WDFY3: variants seen among roughly 807,000 people sequenced by gnomAD.
WDFY3 encodes WD repeat and FYVE domain-containing protein 3.
In WDFY3, 66 loss-of-function variants were observed where a neutral mutation model predicts 409.6. The observed-to-expected ratio is 0.16, with a 90% CI of 0.13 to 0.20. The LOEUF (loss-of-function observed/expected upper bound fraction) is 0.20, where lower values mean the gene tolerates loss of function less well. Among genes scored for constraint, WDFY3 ranks in the 10% least tolerant of loss-of-function variants. The pLI, the probability that WDFY3 is intolerant of heterozygous loss-of-function variation, is 1.00. For synonymous variants in WDFY3, 1,521 were observed against 1,537.1 expected, an observed-to-expected ratio of 0.99 and a Z score of 0.25; for missense variants, 3,031 against 4,298.1, an observed-to-expected ratio of 0.71 and a Z score of 8.24.
intron 3 of WDFY3, among the ~76,000 whole-genome samples, chr4:84,876,544 A>G (rs1762809887): frequency 6.6e-6 from 1 of 152,208 alleles, no homozygotes; most frequent in African/African-American, 2.4e-5. Flanking sequence ...GGCTATTATT[A>G]CTGTTATTCT....
chr4:84,739,292 T>G (rs1737994537), intron 39 of WDFY3, 173 bp from the exon 40 acceptor site: 2 of 583,780 alleles, frequency 3.4e-6, no homozygotes, highest in Non-Finnish European at 6.1e-6. Context: ...GGTGATCAAA[T>G]AAATCCACCT....
chr4:84,791,977 A>G (rs1305489694), intron 21 of WDFY3, among the ~76,000 whole-genome samples: 1 of 152,186 alleles, frequency 6.6e-6, no homozygotes, highest in South Asian at 2.1e-4. Context: ...AGCGGTGGAA[A>G]ACCAGATTTT....
Position 84,932,330 on chromosome 4 carries a change from T to C in WDFY3, c.-192A>G, listed in dbSNP as rs1296388646. ...AGAAATGATAAGAATGGCAGGCACTTTCTTCCTGAAGCAGACGTGGAGAAG... is the reference window on the plus strand; with the variant it reads ...AGAAATGATAAGAATGGCAGGCACTCTCTTCCTGAAGCAGACGTGGAGAAG... On this transcript the variant is annotated 5_prime_UTR_variant, in exon 2 of 68. Coordinates refer to ENST00000295888, the MANE Select transcript of WDFY3 (RefSeq NM_014991.6). 3 of 152,138 alleles carry C rather than the reference T, an allele frequency of 2.0e-5. No homozygotes were observed. The highest frequency in any genetic ancestry group is 2.9e-5 in the Non-Finnish European group (2 of 68,026). The allele number at this position is 152,138 out of a possible 1,614,324, so 9.4% of individuals were successfully genotyped here. A position where few individuals can be genotyped will look rare whatever the true frequency, so the allele number is the denominator to read the frequency against.
Position 84,756,861 on chromosome 4 carries a change from C to T in WDFY3, c.5424+65G>A, listed in dbSNP as rs530731823. The T allele has an allele frequency of 1.8e-5, 27 of 1,469,672 alleles. No homozygotes were observed. In the African/African-American group the frequency reaches 2.9e-4, roughly 16 times the overall value. The allele number at this position is 1,469,672 out of a possible 1,614,324, so 91.0% of individuals were successfully genotyped here. ...TGACAGTTGGTTTTACAGTGATTAT[C>T]CATTATCCTACGGTGATTCTTTGGA... On this transcript the variant is annotated intron_variant, in intron 33 of 67. Transcript: ENST00000295888.
intron 1 of WDFY3, among the ~76,000 whole-genome samples, chr4:84,947,341 G>A (rs897289291): frequency 3.4e-5 from 5 of 148,192 alleles, no homozygotes; most frequent in African/African-American, 1.2e-4. Flanking sequence ...TGAAACCTCA[G>A]CTCTACTAAA....
chr4:84,872,175 T>A (rs1167965858), intron 3 of WDFY3, among the ~76,000 whole-genome samples: 3 of 151,806 alleles, frequency 2.0e-5, no homozygotes, highest in Admixed American at 1.3e-4. Flanking sequence ...AACCATTAAG[T>A]TTAATATGCT....
At chr4:84,729,763 T>C (rs1046253070) in intron 44 of WDFY3, among the ~76,000 whole-genome samples, 5 of 151,984 alleles carry the variant, frequency 3.3e-5, no homozygotes, top group Non-Finnish European at 7.4e-5. Flanking sequence ...GAATCACCAC[T>C]GTATTCTTCA....
chr4:84,671,629 CAAATT>C lies in WDFY3; in HGVS notation c.*1234_*1238del, dbSNP rs915646177. On this transcript the variant is annotated 3_prime_UTR_variant, in exon 68 of 68. Coordinates refer to ENST00000295888, the MANE Select transcript of WDFY3 (RefSeq NM_014991.6). Reference sequence around the variant, plus strand: ...TGTGTTCTGTATCCAACTAGTAGAACAAATTAAATAACTAAATATTAAAATACTGT... The same window carrying C: ...TGTGTTCTGTATCCAACTAGTAGAACAAATAACTAAATATTAAAATACTGT... 1 of 151,992 alleles carries C rather than the reference CAAATT, an allele frequency of 6.6e-6. No homozygotes were observed. The highest frequency in any genetic ancestry group is 2.4e-5 in the African/African-American group (1 of 41,278). The allele number at this position is 151,992 out of a possible 1,614,324, so 9.4% of individuals were successfully genotyped here.
chr4:84,809,845 TA>T (rs1752191769), intron 14 of WDFY3, 41 bp downstream of exon 14: 1 of 1,544,962 alleles, frequency 6.5e-7, no homozygotes, highest in African/African-American at 1.4e-5. Flanking sequence ...AAGTCATGCT[TA>T]GTATACACCC....
Position 84,850,927 on chromosome 4 carries a change from TG to T in WDFY3, c.181-903del, listed in dbSNP as rs1560922905. ...ATTCTTATTTTTAATTTTATTTATC[TG>T]TTTTTTTTTTTTTTTTTTTTTTTTT... On this transcript the variant is annotated intron_variant, in intron 4 of 67. Coordinates refer to ENST00000295888, the MANE Select transcript of WDFY3 (RefSeq NM_014991.6). Among the ~76,000 whole-genome samples, 789 of 102,004 alleles carry T rather than the reference TG, an allele frequency of 7.7e-3. 33 individuals are homozygous for T. Among genetic ancestry groups the T allele is most frequent in the African/African-American group, 0.032 (725 of 22,928 alleles). 66.9% of individuals were successfully genotyped at this position (102,004 alleles called of 152,430 possible). A position where few individuals can be genotyped will look rare whatever the true frequency, so the allele number is the denominator to read the frequency against.
chr4:84,713,306 G>T, intron 50 of WDFY3, 67 bp from the exon 51 acceptor site: 1 of 1,411,358 alleles, frequency 7.1e-7, no homozygotes. Context: ...GGAAGCCTAA[G>T]AAAGGACGAT....
intron 37 of WDFY3, 34 bp downstream of exon 37, chr4:84,743,666 T>C (rs748643752): frequency 2.2e-5 from 32 of 1,481,538 alleles, no homozygotes; most frequent in Non-Finnish European, 2.6e-5. Flanking sequence ...AAAGTGATTA[T>C]AGGTATTTCT....
chr4:84,733,897 A>G (rs1578292521), intron 43 of WDFY3, among the ~76,000 whole-genome samples: 1 of 152,296 alleles, frequency 6.6e-6, no homozygotes, highest in South Asian at 2.1e-4. Flanking sequence ...CACAGGAAAG[A>G]TGGTAATATT....
chr4:84,688,363 C>T (rs369868633), intron 61 of WDFY3, 98 bp from the exon 62 acceptor site: 35 of 1,222,396 alleles, frequency 2.9e-5, no homozygotes, highest in African/African-American at 2.1e-4. Context: ...AGCAGTGGCA[C>T]GCATGCTAGG....
At chr4:84,925,507 G>A (rs1038258120) in intron 2 of WDFY3, among the ~76,000 whole-genome samples, 12 of 152,138 alleles carry the variant, frequency 7.9e-5, no homozygotes, top group African/African-American at 2.9e-4. Context: ...GAGAGGAAGA[G>A]TGAAAGAGAA....
intron 58 of WDFY3, among the ~76,000 whole-genome samples, chr4:84,695,231 A>G (rs1729889605): frequency 6.6e-6 from 1 of 152,076 alleles, no homozygotes; most frequent in African/African-American, 2.4e-5. Context: ...GGCCTACAGT[A>G]TCTGGGTGCT....
intron 26 of WDFY3, among the ~76,000 whole-genome samples, chr4:84,779,757 G>A (rs944235987): frequency 2.0e-5 from 3 of 152,044 alleles, no homozygotes; most frequent in African/African-American, 7.2e-5. Flanking sequence ...CAGGAAGGGG[G>A]AATAGGACCC....
In WDFY3 at chr4:84,818,051, T is replaced by C. The variant is rs561869115; in HGVS notation, c.1694-466A>G. On this transcript the variant is annotated intron_variant, in intron 12 of 67. Coordinates refer to ENST00000295888, the MANE Select transcript of WDFY3 (RefSeq NM_014991.6). ...GAACCAACATGTTTTGTTGCACAGG[T>C]AGAGCATAAGAACAAAAAGTGACAA... is the stretch of plus-strand genomic sequence containing the variant. Among the ~76,000 whole-genome samples, 6 of 152,292 alleles carry C rather than the reference T, an allele frequency of 3.9e-5. No individual in the cohort carries two copies. In the South Asian group the frequency reaches 1.0e-3, roughly 26 times the overall value.
Position 84,721,555 on chromosome 4 carries a change from G to A in WDFY3, c.7459C>T (p.Leu2487=). The A allele has an allele frequency of 2.5e-6, 4 of 1,606,348 alleles. No individual in the cohort carries two copies. Among genetic ancestry groups the A allele is most frequent in the Non-Finnish European group, 3.4e-6 (4 of 1,179,978 alleles). Residue 2487 remains leucine, a synonymous_variant, in exon 47 of 68, where the codon CTA becomes TTA. Coordinates refer to ENST00000295888, the MANE Select transcript of WDFY3 (RefSeq NM_014991.6). ...TCAGGTGCAGATCGGGAGCGTTTTA[G>A]AGGAGGCTTGACCAAACCTACAGTA... is the stretch of plus-strand genomic sequence containing the variant. ...AKVKGLVKPP[L]KRSRSAPDGG... is the part of the protein sequence containing the mutation.
Sources: gnomAD v4.1 joint callset for allele counts (sites outside exome capture counted in the v4.1 genomes callset) on GRCh38, gnomAD v4.1.1 for gene constraint, MANE v1.5 for transcripts, NCBI Gene and HGNC (gene_info 2026-07-23, HGNC 2026-07-21) for gene names.